NKAIN3: variants seen among roughly 807,000 people sequenced by gnomAD.
NKAIN3 encodes sodium/potassium transporting ATPase interacting 3.
Under a neutral mutation model 30.2 loss-of-function variants are expected in NKAIN3, and 25 were observed. That is an observed-to-expected ratio of 0.83 (90% confidence interval 0.60 to 1.16). The LOEUF (loss-of-function observed/expected upper bound fraction) is 1.16. Ranked by LOEUF, NKAIN3 falls within the 50% of genes most tolerant of loss-of-function variation. NKAIN3 has a pLI of 0.00. For synonymous variants in NKAIN3, 91 were observed against 89.6 expected (o/e 1.02, Z -0.09); for missense variants, 225 against 254.1 (o/e 0.89, Z 0.78).
intron 4 of NKAIN3, among the ~76,000 whole-genome samples, chr8:62,796,564 A>G (rs1427499953): frequency 6.6e-6 from 1 of 152,084 alleles, no homozygotes; most frequent in Non-Finnish European, 1.5e-5. Flanking sequence ...CATGTAGGCC[A>G]TTGATGACTA....
chr8:62,675,175 A>G (rs1160669969), intron 3 of NKAIN3, among the ~76,000 whole-genome samples: 1 of 152,210 alleles, frequency 6.6e-6, no homozygotes, highest in East Asian at 1.9e-4. Context: ...ATGCATTAAT[A>G]TATGCCAAAG....
intron 3 of NKAIN3, among the ~76,000 whole-genome samples, chr8:62,728,381 G>T (rs1274255015): frequency 6.6e-6 from 1 of 152,178 alleles, no homozygotes; most frequent in Admixed American, 6.5e-5. Context: ...AAAACTCCAT[G>T]GCCGGGTGCG....
chr8:62,914,549 G>T (rs1822023636), intron 4 of NKAIN3, among the ~76,000 whole-genome samples: 1 of 152,074 alleles, frequency 6.6e-6, no homozygotes, highest in Admixed American at 6.5e-5. Context: ...ATATATATTT[G>T]TAGGTAGGAT....
intron 1 of NKAIN3, among the ~76,000 whole-genome samples, chr8:62,533,294 A>G (rs1029536828): frequency 1.3e-5 from 2 of 152,358 alleles, no homozygotes; most frequent in Non-Finnish European, 2.9e-5. Flanking sequence ...TTAACCAGTA[A>G]TAACTAGAGC....
At chr8:62,734,698 C>G (rs1815592663) in intron 3 of NKAIN3, among the ~76,000 whole-genome samples, 2 of 152,092 alleles carry the variant, frequency 1.3e-5, no homozygotes, top group Non-Finnish European at 2.9e-5. Flanking sequence ...GAGAAAAAGT[C>G]AGGAGTTAGT....
At chr8:62,269,016 G>C (rs552371394) in intron 1 of NKAIN3, among the ~76,000 whole-genome samples, 1 of 152,258 alleles carries the variant, frequency 6.6e-6, no homozygotes, top group East Asian at 1.9e-4. Context: ...CTCTGTTGCT[G>C]TCTGAAATAC....
intron 1 of NKAIN3, among the ~76,000 whole-genome samples, chr8:62,433,544 G>A (rs140701318): frequency 7.2e-5 from 11 of 152,078 alleles, no homozygotes; most frequent in Admixed American, 3.3e-4. Context: ...CCACTGAGAC[G>A]GTTTTACAAA....
At chr8:62,353,228 G>T (rs1816236835) in intron 1 of NKAIN3, among the ~76,000 whole-genome samples, 1 of 152,138 alleles carries the variant, frequency 6.6e-6, no homozygotes, top group Non-Finnish European at 1.5e-5. Context: ...AAAAAAATAA[G>T]CCAACTCTAA....
At chr8:62,399,977 A>G in intron 1 of NKAIN3, among the ~76,000 whole-genome samples, 1 of 152,142 alleles carries the variant, frequency 6.6e-6, no homozygotes, top group Non-Finnish European at 1.5e-5. Flanking sequence ...GACAGTATAT[A>G]AGACAAGGCT....
intron 4 of NKAIN3, among the ~76,000 whole-genome samples, chr8:62,896,268 G>T (rs886759587): frequency 9.2e-5 from 14 of 151,974 alleles, no homozygotes; most frequent in African/African-American, 3.4e-4. Context: ...TCTTATTGGG[G>T]CACTAGTCTC....
intron 1 of NKAIN3, among the ~76,000 whole-genome samples, chr8:62,452,877 T>C (rs985425408): frequency 1.3e-5 from 2 of 152,170 alleles, no homozygotes; most frequent in African/African-American, 2.4e-5. Flanking sequence ...TTCTGAAAAC[T>C]GTTAGCTTTC....
chr8:62,590,066 C>T lies in NKAIN3; in HGVS notation c.273+272C>T, dbSNP rs1810606299. On this transcript the variant is annotated intron_variant, in intron 3 of 6. Transcript: ENST00000623646. Reference sequence around the variant, plus strand: ...AGTGGGACTGAACTTACAGTGTATCCTCATGTCCATTTTAAAAAGACATAA... The same window carrying T: ...AGTGGGACTGAACTTACAGTGTATCTTCATGTCCATTTTAAAAAGACATAA... Among the ~76,000 whole-genome samples the T allele has an allele frequency of 2.0e-5, 3 of 151,498 alleles. No homozygotes were observed. The Admixed American group carries it at 2.0e-4, about 10-fold the overall frequency.
intron 4 of NKAIN3, among the ~76,000 whole-genome samples, chr8:62,895,370 A>G (rs542416171): frequency 6.6e-6 from 1 of 152,318 alleles, no homozygotes; most frequent in East Asian, 1.9e-4. Flanking sequence ...TGCTATGCAA[A>G]GAGGAGCAGT....
chr8:62,380,777 A>T (rs985835973), intron 1 of NKAIN3, among the ~76,000 whole-genome samples: 4 of 152,242 alleles, frequency 2.6e-5, no homozygotes, highest in Non-Finnish European at 5.9e-5. Flanking sequence ...ATGTTATAAA[A>T]GCTTTGGTTT....
At chr8:62,299,141 A>G (rs76032445) in intron 1 of NKAIN3, among the ~76,000 whole-genome samples, 1 of 152,274 alleles carries the variant, frequency 6.6e-6, no homozygotes, top group East Asian at 1.9e-4. Flanking sequence ...TAAAGTTAGT[A>G]CAATGGTGTG....
At chr8:62,682,451 T>A (rs1813671328) in intron 3 of NKAIN3, among the ~76,000 whole-genome samples, 1 of 152,016 alleles carries the variant, frequency 6.6e-6, no homozygotes, top group Non-Finnish European at 1.5e-5. Context: ...CTGTAACAAT[T>A]CCAAACGATT....
chr8:62,788,603 C>T (rs941087671), intron 4 of NKAIN3, among the ~76,000 whole-genome samples: 2 of 152,066 alleles, frequency 1.3e-5, no homozygotes, highest in African/African-American at 4.8e-5. Context: ...ACATGAAGTC[C>T]TTGCCCATGC....
intron 4 of NKAIN3, among the ~76,000 whole-genome samples, chr8:62,900,358 G>A (rs868185250): frequency 6.6e-6 from 1 of 152,186 alleles, no homozygotes; most frequent in South Asian, 2.1e-4. Context: ...TTACTCTGAA[G>A]AATTACACCA....
At chr8:62,779,177 G>A (rs1463002127) in intron 4 of NKAIN3, among the ~76,000 whole-genome samples, 1 of 152,090 alleles carries the variant, frequency 6.6e-6, no homozygotes, top group Non-Finnish European at 1.5e-5. Flanking sequence ...TGGTGTTGGT[G>A]GGGAGGGGTG....
Sources: allele counts gnomAD v4.1 joint callset (sites outside exome capture counted in the v4.1 genomes callset), GRCh38; gene constraint gnomAD v4.1.1; transcripts MANE v1.5; gene names NCBI Gene and HGNC (gene_info 2026-07-23, HGNC 2026-07-21).